HMGCS2: variants seen among roughly 807,000 people sequenced by gnomAD.
HMGCS2 encodes the protein 3-hydroxy-3-methylglutaryl-CoA synthase 2, also known as hydroxymethylglutaryl-CoA synthase, mitochondrial.
HMGCS2 carries 50 observed loss-of-function variants against 57.4 expected under a neutral mutation model. That is an observed-to-expected ratio of 0.87 (90% CI 0.69 to 1.10). The LOEUF (loss-of-function observed/expected upper bound fraction) is 1.10, where lower values mean the gene tolerates loss of function less well. Ranked by LOEUF, HMGCS2 falls within the 50% of genes least tolerant of loss-of-function variation. The pLI is 0.00. For synonymous variants in HMGCS2, 254 were observed against 245.1 expected, an observed-to-expected ratio of 1.04 and a Z score of -0.34; for missense variants, 627 against 636.5, an observed-to-expected ratio of 0.99 and a Z score of 0.16.
Position 119,759,138 on chromosome 1 carries a change from A to G in HMGCS2, c.830T>C (p.Ile277Thr), listed in dbSNP as rs775637086. 3 of 1,613,946 alleles carry G rather than the reference A, an allele frequency of 1.9e-6. No homozygotes were observed. The highest frequency in any genetic ancestry group is 2.7e-5 in the African/African-American group (2 of 74,868). The change falls in exon 4 of 10, where the codon ATC (isoleucine) becomes ACC (threonine). Residue 277 changes from isoleucine (I) to threonine (T), a missense_variant. Physicochemically the swap from Ile to Thr is moderately conservative, Grantham distance 89. Transcript: ENST00000369406. Reference protein sequence around the residue: ...DRCYTSYRKKIQNQWKQAGSD... With the variant: ...DRCYTSYRKKTQNQWKQAGSD... ...CATACCTTGCTTCCACTGATTCTGG[A>G]TTTTTTTACGGTATGATGTGTAACA...
chr1:119,764,287 G>A lies in HMGCS2; in HGVS notation c.444C>T (p.Leu148=). 1 of 1,614,184 alleles carries A rather than the reference G, an allele frequency of 6.2e-7. No homozygotes were observed. Residue 148 remains leucine (L), a synonymous_variant, in exon 2 of 10, where the codon CTC becomes CTT. Coordinates refer to ENST00000369406, the MANE Select transcript of HMGCS2 (RefSeq NM_005518.4). Reference sequence around the variant, plus strand: ...TATCAGTATTGCCTGAATCCTGGAAGAGTTCCATGAGCACTGTTTTGACAG... The same window carrying A: ...TATCAGTATTGCCTGAATCCTGGAAAAGTTCCATGAGCACTGTTTTGACAG... ...SKAVKTVLME[L]FQDSGNTDIE... is the part of the protein sequence containing the mutation.
intron 6 of HMGCS2, 127 bp from the exon 7 acceptor site, chr1:119,753,513 C>T (rs587667207): frequency 3.0e-6 from 2 of 666,142 alleles, no homozygotes; most frequent in South Asian, 3.6e-5. Flanking sequence ...CCGATCTTCT[C>T]CCTGTCTACC....
At chr1:119,763,008 G>C (rs1653097392) in intron 2 of HMGCS2, among the ~76,000 whole-genome samples, 2 of 152,068 alleles carry the variant, frequency 1.3e-5, no homozygotes, top group African/African-American at 2.4e-5. Context: ...ATGGTGGTAG[G>C]GGTTACTAGA....
Position 119,766,578 on chromosome 1 carries a change from C to T in HMGCS2, c.105-1952G>A, listed in dbSNP as rs975640562. ...AGAGGTTTGGAGTTTATTTATCTTC[C>T]CTATTTATTTGACTCCCTCCAAATA... On this transcript the variant is annotated intron_variant, in intron 1 of 9. Transcript: ENST00000369406. Among the ~76,000 whole-genome samples, 3 of 152,098 alleles carry T rather than the reference C, an allele frequency of 2.0e-5. No homozygotes were observed. In the South Asian group the frequency reaches 6.2e-4, roughly 32 times the overall value.
chr1:119,767,870 A>T (rs996625818), intron 1 of HMGCS2, among the ~76,000 whole-genome samples: 1 of 152,228 alleles, frequency 6.6e-6, no homozygotes, highest in African/African-American at 2.4e-5. Context: ...TTGGCAGTGC[A>T]TGGGGAGAGT....
At chr1:119,764,110 CTG>C in intron 2 of HMGCS2, 60 bp downstream of exon 2, 2 of 1,491,936 alleles carry the variant, frequency 1.3e-6, no homozygotes, top group Non-Finnish European at 1.9e-6. Flanking sequence ...AAAAGCAAAA[CTG>C]GTAATATTCA....
chr1:119,764,817 T>G (rs1653164165), intron 1 of HMGCS2, among the ~76,000 whole-genome samples, 191 bp from the exon 2 acceptor site: 1 of 152,264 alleles, frequency 6.6e-6, no homozygotes, highest in Non-Finnish European at 1.5e-5. Context: ...TCCCTTTTCA[T>G]CTTTGTGATA....
Position 119,764,595 on chromosome 1 carries a change from T to G in HMGCS2, c.136A>C (p.Lys46Gln). Residue 46 changes from lysine to glutamine, a missense_variant, in exon 2 of 10, where the codon AAA (lysine) becomes CAA (glutamine). Transcript: ENST00000369406. ...ACGTCCTTTGGCCAAGTATCTGTTT[T>G]GGCCAGGGGGACAGCAGAGGCTGTA... is the stretch of plus-strand genomic sequence containing the variant. ...FSTASAVPLA[K>Q]TDTWPKDVGI... The G allele has an allele frequency of 6.2e-7, 1 of 1,614,168 alleles. No individual in the cohort carries two copies. Among genetic ancestry groups the G allele is most frequent in the Non-Finnish European group, 8.5e-7 (1 of 1,180,018 alleles).
At position 119,759,147 on chromosome 1, in the gene HMGCS2, C is replaced by T. The variant is rs370058829; in HGVS notation, c.821G>A (p.Arg274His). 30 of 1,614,000 alleles carry T rather than the reference C, an allele frequency of 1.9e-5. No individual in the cohort carries two copies. The highest frequency in any genetic ancestry group is 1.6e-4 in the Middle Eastern group (1 of 6,082). Residue 274 changes from arginine (R) to histidine (H), a missense_variant, in exon 4 of 10, where the codon CGT (arginine) becomes CAT (histidine). Coordinates refer to ENST00000369406, the MANE Select transcript of HMGCS2 (RefSeq NM_005518.4). ...CTTCCACTGATTCTGGATTTTTTTA[C>T]GGTATGATGTGTAACATCGATCCAA... ...RALDRCYTSY[R>H]KKIQNQWKQA...
At chr1:119,757,205 A>C in intron 5 of HMGCS2, 68 bp downstream of exon 5, 1 of 1,611,952 alleles carries the variant, frequency 6.2e-7, no homozygotes, top group Non-Finnish European at 8.5e-7. Flanking sequence ...TCTAGACTTA[A>C]GGCATGAAGA....
At chr1:119,765,314 T>A (rs1352761551) in intron 1 of HMGCS2, among the ~76,000 whole-genome samples, 2 of 152,218 alleles carry the variant, frequency 1.3e-5, no homozygotes, top group African/African-American at 4.8e-5. Context: ...TTCACCGTGT[T>A]AGCCAGGATG....
intron 6 of HMGCS2, among the ~76,000 whole-genome samples, chr1:119,754,727 T>C (rs1652776351): frequency 6.6e-6 from 1 of 152,174 alleles, no homozygotes; most frequent in African/African-American, 2.4e-5. Flanking sequence ...ACCCTAATAA[T>C]TGGTTAAAAA....
rs761483416 is a variant in HMGCS2 at position 119,759,212 on chromosome 1, T to C, written c.756A>G (p.Ile252Met). 1 of 1,614,158 alleles carries C rather than the reference T, an allele frequency of 6.2e-7. No individual in the cohort carries two copies. Among genetic ancestry groups the C allele is most frequent in the Admixed American group, 1.7e-5 (1 of 60,034 alleles). The change falls in exon 4 of 10, where the codon ATA (isoleucine) becomes ATG (methionine). Residue 252 changes from isoleucine (I) to methionine (M), a missense_variant. Transcript: ENST00000369406. ...ACTGGATGGAAAGCTTCCCATCCAC[T>C]ATTGGGTACTCCGAGGCCAAATTTG... ...YKPNLASEYP[I>M]VDGKLSIQCY...
chr1:119,750,726 C>T (rs1300015453), intron 9 of HMGCS2, 71 bp downstream of exon 9: 1 of 962,612 alleles, frequency 1.0e-6, no homozygotes, highest in African/African-American at 1.6e-5. Context: ...TCCCCACCTT[C>T]TCTCTCTGTG....
At chr1:119,759,350 G>A in intron 3 of HMGCS2, 68 bp from the exon 4 acceptor site, 1 of 1,496,480 alleles carries the variant, frequency 6.7e-7, no homozygotes, top group Non-Finnish European at 9.3e-7. Context: ...AAAGATGAGA[G>A]AACCATATAA....
chr1:119,755,587 G>A lies in HMGCS2; in HGVS notation c.1027C>T (p.Leu343=). The change falls in exon 6 of 10, where the codon CTG becomes TTG. Residue 343 remains leucine, a synonymous_variant. Transcript: ENST00000369406. ...KGLEAFGGLK[L]EDTYTNKDLD... is the part of the protein sequence containing the mutation. ...TCCTTGTTGGTGTAGGTGTCTTCCA[G>A]CTTTAGCCCCCTGTGAGGTAGCCAG... 14 of 1,614,068 alleles carry A rather than the reference G, an allele frequency of 8.7e-6. No homozygotes were observed. Among genetic ancestry groups the A allele is most frequent in the Non-Finnish European group, 1.1e-5 (13 of 1,179,964 alleles).
intron 8 of HMGCS2, among the ~76,000 whole-genome samples, chr1:119,751,290 TG>T (rs1392555345): frequency 6.6e-6 from 1 of 152,112 alleles, no homozygotes; most frequent in Non-Finnish European, 1.5e-5. Context: ...CTAAATTTTC[TG>T]GTTCTGATTC....
At chr1:119,751,402 T>A (rs761460373) in intron 8 of HMGCS2, among the ~76,000 whole-genome samples, 1 of 151,066 alleles carries the variant, frequency 6.6e-6, no homozygotes, top group Non-Finnish European at 1.5e-5. Context: ...AGTCTTTCTG[T>A]GTCACCCAGG....
At chr1:119,759,440 G>A (rs1652961734) in intron 3 of HMGCS2, 158 bp from the exon 4 acceptor site, 1 of 745,854 alleles carries the variant, frequency 1.3e-6, no homozygotes, top group South Asian at 1.5e-5. Context: ...AAAAGGAGTT[G>A]GACAGGTTGT....
Sources: gnomAD v4.1 joint callset for allele counts (sites outside exome capture counted in the v4.1 genomes callset) on GRCh38, gnomAD v4.1.1 for gene constraint, MANE v1.5 for transcripts, NCBI Gene and HGNC (gene_info 2026-07-23, HGNC 2026-07-21) for gene names.